The following HERC1 variants were observed in gnomAD, a reference collection of about 807,000 sequenced individuals.
The protein encoded by HERC1 is HECT and RLD domain containing E3 ubiquitin protein ligase family member 1.
Under a neutral mutation model 554.3 loss-of-function variants are expected in HERC1, and 160 were observed. The observed-to-expected ratio is 0.29, with a 90% confidence interval of 0.25 to 0.33. The LOEUF is 0.33. HERC1 is among the 10% of genes least tolerant of loss of function. The pLI is 1.00. For missense variants in HERC1, 4,919 were observed against 5,918.5 expected (o/e 0.83, Z 5.54); for synonymous variants, 2,175 against 2,131.7 (o/e 1.02, Z -0.56).
At chr15:63,750,686 C>T (rs1306438534) in intron 8 of HERC1, among the ~76,000 whole-genome samples, 2 of 152,128 alleles carry the variant, frequency 1.3e-5, no homozygotes, top group African/African-American at 2.4e-5. Context: ...AATCCCAGCA[C>T]GTTGGGAGGC....
intron 1 of HERC1, among the ~76,000 whole-genome samples, chr15:63,806,089 T>A (rs1390134364): frequency 6.6e-6 from 1 of 152,308 alleles, no homozygotes; most frequent in Non-Finnish European, 1.5e-5. Context: ...TCCTGTTCAT[T>A]GCTAAAGCTT....
intron 12 of HERC1, among the ~76,000 whole-genome samples, chr15:63,744,164 G>GTGTGTGTCTCTCTCTCTCTCTC: frequency 5.2e-4 from 24 of 46,214 alleles, no homozygotes; most frequent in Non-Finnish European, 1.1e-3. Flanking sequence ...GTGTGTGTGT[G>GTGTGTGTCTCTCTCTCTCTCTC]TCTCTCTCTC....
In HERC1 at chr15:63,718,963, T is replaced by C. The variant is rs2073688676; in HGVS notation, c.3743-66A>G. The C allele has an allele frequency of 1.1e-5, 12 of 1,097,008 alleles. No homozygotes were observed. The highest frequency in any genetic ancestry group is 1.6e-5 in the Non-Finnish European group (12 of 747,034). 68.0% of individuals were successfully genotyped at this position (1,097,008 alleles called of 1,614,324 possible). A position where few individuals can be genotyped will look rare whatever the true frequency, so the allele number is the denominator to read the frequency against. ...GAAAACAGTTCAGAGGTAATTTTTA[T>C]AGCTTTAGTCATCCAACACCTGAAT... On this transcript the variant is annotated intron_variant, in intron 19 of 77. Coordinates refer to ENST00000443617, the MANE Select transcript of HERC1 (RefSeq NM_003922.4). This position sits in a 1 kb window ranked among gnomAD's most constrained non-coding sequence, Gnocchi z 4.2.
intron 1 of HERC1, among the ~76,000 whole-genome samples, chr15:63,811,251 CCTT>C (rs1221184547): frequency 6.6e-6 from 1 of 152,140 alleles, no homozygotes; most frequent in Non-Finnish European, 1.5e-5. Flanking sequence ...TGGAGAATGT[CCTT>C]CTTCTTAGAA....
At chr15:63,709,015 T>C (rs971983059) in intron 24 of HERC1, among the ~76,000 whole-genome samples, 2 of 152,072 alleles carry the variant, frequency 1.3e-5, no homozygotes, top group Non-Finnish European at 2.9e-5. Flanking sequence ...TTTGAGACAG[T>C]GTCTCGCTCT....
chr15:63,802,413 AGACGT>A (rs2077023650), intron 1 of HERC1, among the ~76,000 whole-genome samples: 1 of 152,252 alleles, frequency 6.6e-6, no homozygotes, highest in African/African-American at 2.4e-5. Context: ...ACCTGGAAAC[AGACGT>A]GCCTATTCGG....
Position 63,689,680 on chromosome 15 carries a change from G to A in HERC1, c.5957C>T (p.Ser1986Phe). ...CTCCCACATACAATCAGAGAGAAGG[G>A]AAAATAAGCGCTCAACAATCTGTTT... is the stretch of plus-strand genomic sequence containing the variant. ...QMAQIVERLF[S>F]LLSDCMWETP... Residue 1986 changes from serine to phenylalanine, a missense_variant, in exon 33 of 78, where the codon TCC becomes TTC. Coordinates refer to ENST00000443617, the MANE Select transcript of HERC1 (RefSeq NM_003922.4). The A allele has an allele frequency of 6.3e-7, 1 of 1,575,756 alleles. No homozygotes were observed. The highest frequency in any genetic ancestry group is 8.6e-7 in the Non-Finnish European group (1 of 1,158,082).
intron 60 of HERC1, among the ~76,000 whole-genome samples, chr15:63,641,114 C>G (rs530452989): frequency 1.8e-4 from 28 of 152,140 alleles, no homozygotes; most frequent in Non-Finnish European, 3.7e-4. Context: ...ATCCCTATCC[C>G]TCAACTTTGG....
intron 47 of HERC1, 150 bp downstream of exon 47, chr15:63,659,586 T>C: frequency 1.5e-6 from 1 of 657,130 alleles, no homozygotes. Flanking sequence ...TTCAAAATGT[T>C]AAAACAACTG....
In HERC1 at chr15:63,775,102, T is replaced by C. The variant is rs1420680114; in HGVS notation, c.522A>G (p.Arg174=). The C allele has an allele frequency of 1.2e-6, 2 of 1,613,854 alleles. No individual in the cohort carries two copies. Among genetic ancestry groups the C allele is most frequent in the Non-Finnish European group, 1.7e-6 (2 of 1,179,892 alleles). ...CTGACACAGGCATCATCCAACTTTG[T>C]CTTAGAAGCGCAAATAATAAACTTA... ...TGLSLLFALL[R]QSWMMPVSGP... Residue 174 remains arginine, a synonymous_variant, in exon 2 of 78, where the codon AGA becomes AGG. Coordinates refer to ENST00000443617, the MANE Select transcript of HERC1 (RefSeq NM_003922.4). The surrounding 1 kb of genome is among the most constrained non-coding windows in gnomAD (Gnocchi z 4.0).
At chr15:63,617,953 G>C (rs2067897357) in intron 74 of HERC1, among the ~76,000 whole-genome samples, 1 of 152,084 alleles carries the variant, frequency 6.6e-6, no homozygotes. Flanking sequence ...CATTCTGTGG[G>C]TCGCCTGTTC....
intron 16 of HERC1, among the ~76,000 whole-genome samples, chr15:63,728,718 T>C (rs944099687): frequency 3.3e-5 from 5 of 151,840 alleles, no homozygotes; most frequent in African/African-American, 9.7e-5. Context: ...ATAAGACCAT[T>C]GGGGGAGCAA....
rs779435927 is a variant in HERC1, at chr15:63,696,306, G to T, written c.4939C>A (p.Leu1647Ile). ...CCTTTTTCTTCCATCCCAGACAATA[G>T]AACGAGGATCTGATGAAGTGCCTCT... ...RLEALHQILVLLSGMEEKGSI... is the reference protein window; with the variant it reads ...RLEALHQILVILSGMEEKGSI... The change falls in exon 27 of 78, where the codon CTA (leucine) becomes ATA (isoleucine). Residue 1647 changes from leucine to isoleucine, a missense_variant. Coordinates refer to ENST00000443617, the MANE Select transcript of HERC1 (RefSeq NM_003922.4). 3.1e-6 allele frequency: 5 copies of T among 1,612,802 alleles called. No individual in the cohort carries two copies. The highest frequency in any genetic ancestry group is 4.2e-6 in the Non-Finnish European group (5 of 1,179,422).
intron 70 of HERC1, among the ~76,000 whole-genome samples, chr15:63,627,598 C>T (rs557608764): frequency 1.5e-4 from 22 of 151,288 alleles, no homozygotes; most frequent in African/African-American, 4.6e-4. Flanking sequence ...CGCTTGAACC[C>T]GGGAGGCAGA....
At chr15:63,789,801 A>AAAATAAAT (rs10527229) in intron 1 of HERC1, among the ~76,000 whole-genome samples, 29,842 of 138,890 alleles carry the variant, frequency 0.21, 3,678 homozygotes, top group Non-Finnish European at 0.26. Context: ...GCCCTGTCTC[A>AAAATAAAT]AAATAAATAA....
chr15:63,799,854 T>C (rs996167524), intron 1 of HERC1, among the ~76,000 whole-genome samples: 2 of 152,152 alleles, frequency 1.3e-5, no homozygotes, highest in African/African-American at 4.8e-5. Context: ...CTCTAAAACA[T>C]GGCCAGGTGC....
intron 1 of HERC1, among the ~76,000 whole-genome samples, chr15:63,801,992 G>A (rs754833221): frequency 3.9e-5 from 6 of 152,128 alleles, no homozygotes; most frequent in Non-Finnish European, 8.8e-5. Context: ...CTGAACTCTC[G>A]ACGTCTACCA....
At chr15:63,781,607 T>G (rs1233769958) in intron 1 of HERC1, among the ~76,000 whole-genome samples, 2 of 152,186 alleles carry the variant, frequency 1.3e-5, no homozygotes, top group African/African-American at 4.8e-5. Flanking sequence ...TGGGACTCCC[T>G]ATTGCCTAAG....
chr15:63,713,755 C>T, intron 22 of HERC1, 90 bp from the exon 23 acceptor site: 1 of 1,159,328 alleles, frequency 8.6e-7, no homozygotes, highest in Non-Finnish European at 1.2e-6. Context: ...AAGTTTGGAC[C>T]AAAAACTTAC....
Sources: allele counts gnomAD v4.1 joint callset (sites outside exome capture counted in the v4.1 genomes callset), GRCh38; gene constraint gnomAD v4.1.1; non-coding constraint Gnocchi (gnomAD v3.1); transcripts MANE v1.5; gene names NCBI Gene and HGNC (gene_info 2026-07-23, HGNC 2026-07-21).